The following PACS1 variants were observed in gnomAD, a reference collection of about 807,000 sequenced individuals.
The protein encoded by PACS1 is PACS-1.
A neutral mutation model predicts 115.0 loss-of-function variants in PACS1; 24 were observed. The observed-to-expected ratio is 0.21, with a 90% CI of 0.15 to 0.29. PACS1 has a LOEUF of 0.29. Among genes scored for constraint, PACS1 ranks in the 10% least tolerant of loss-of-function variants. PACS1 has a pLI of 1.00. For missense variants in PACS1, 838 were observed against 1,251.2 expected, an observed-to-expected ratio of 0.67 and a Z score of 4.98; for synonymous variants, 453 against 504.5, an observed-to-expected ratio of 0.90 and a Z score of 1.37.
At chr11:66,122,162 T>A (rs1194369514) in intron 1 of PACS1, among the ~76,000 whole-genome samples, 1 of 152,200 alleles carries the variant, frequency 6.6e-6, no homozygotes, top group African/African-American at 2.4e-5. Context: ...CCTTAAAAAT[T>A]ATGCTCAATC....
intron 4 of PACS1, among the ~76,000 whole-genome samples, chr11:66,212,437 T>G (rs1358169790): frequency 7.3e-6 from 1 of 137,834 alleles, no homozygotes; most frequent in Admixed American, 7.3e-5. Context: ...TGGCCTTAAC[T>G]TTTTTTTTTT....
chr11:66,228,936 G>A (rs1436421027), intron 11 of PACS1, among the ~76,000 whole-genome samples: 1 of 152,096 alleles, frequency 6.6e-6, no homozygotes, highest in Non-Finnish European at 1.5e-5. Context: ...AGGGAAGTAG[G>A]CAGGTGTGCG....
chr11:66,216,920 T>C, intron 7 of PACS1, 145 bp downstream of exon 7: 1 of 619,284 alleles, frequency 1.6e-6, no homozygotes, highest in Non-Finnish European at 2.9e-6. Context: ...CTCTATATCC[T>C]CACCACCGCC....
At chr11:66,112,293 A>G (rs906043861) in intron 1 of PACS1, among the ~76,000 whole-genome samples, 1 of 151,978 alleles carries the variant, frequency 6.6e-6, no homozygotes, top group African/African-American at 2.4e-5. Flanking sequence ...AGTTTGCTGC[A>G]TGCCTGCCAC....
intron 1 of PACS1, among the ~76,000 whole-genome samples, chr11:66,145,981 T>A (rs551337412): frequency 1.8e-4 from 27 of 152,144 alleles, no homozygotes; most frequent in Non-Finnish European, 2.6e-4. Flanking sequence ...TCAGGGCAAA[T>A]TACTAAAGAA....
At chr11:66,161,416 G>A (rs751869122) in intron 1 of PACS1, among the ~76,000 whole-genome samples, 2 of 152,138 alleles carry the variant, frequency 1.3e-5, no homozygotes, top group Non-Finnish European at 2.9e-5. Flanking sequence ...TCACACTGCT[G>A]TACTCTAGCC....
chr11:66,194,879 C>A (rs760069161), intron 2 of PACS1, among the ~76,000 whole-genome samples: 22 of 152,178 alleles, frequency 1.4e-4, no homozygotes, highest in Non-Finnish European at 2.9e-5. Flanking sequence ...GTGCCTCGGC[C>A]TCTTTCTGGG....
At chr11:66,204,310 T>C (rs995372546) in intron 2 of PACS1, among the ~76,000 whole-genome samples, 1 of 152,204 alleles carries the variant, frequency 6.6e-6, no homozygotes, top group Admixed American at 6.5e-5. Flanking sequence ...TCATTAATTG[T>C]CAGAGAAATG....
At chr11:66,079,908 C>G (rs1222948719) in intron 1 of PACS1, among the ~76,000 whole-genome samples, 1 of 152,194 alleles carries the variant, frequency 6.6e-6, no homozygotes, top group Non-Finnish European at 1.5e-5. Context: ...TTTGCACTTG[C>G]TGTTCCCTCT....
intron 1 of PACS1, among the ~76,000 whole-genome samples, chr11:66,093,213 C>T (rs1857703032): frequency 6.6e-6 from 1 of 152,142 alleles, no homozygotes; most frequent in African/African-American, 2.4e-5. Flanking sequence ...TTGTAGTTCT[C>T]CTTGAAGAGG....
intron 1 of PACS1, among the ~76,000 whole-genome samples, chr11:66,167,165 T>C (rs1451229663): frequency 6.7e-6 from 1 of 150,166 alleles, no homozygotes. Context: ...TATTTTTGTA[T>C]ATTTATTATC....
rs1485158949 is a variant in PACS1 at position 66,193,480 on chromosome 11, T to C, written c.357-6T>C. 8 of 1,603,854 alleles carry C rather than the reference T, an allele frequency of 5.0e-6. No individual in the cohort carries two copies. Among genetic ancestry groups the C allele is most frequent in the Non-Finnish European group, 6.8e-6 (8 of 1,170,754 alleles). On this transcript the variant is annotated splice_polypyrimidine_tract_variant and splice_region_variant and intron_variant, in intron 1 of 23. Transcript: ENST00000320580. Reference sequence around the variant, plus strand: ...ATGACAGCATCTTCCTTCTCTGTTTTTCTAGGCTATTCAGCTTGACCCTGA... The same window carrying C: ...ATGACAGCATCTTCCTTCTCTGTTTCTCTAGGCTATTCAGCTTGACCCTGA...
At chr11:66,200,731 T>C (rs537300491) in intron 2 of PACS1, among the ~76,000 whole-genome samples, 2 of 152,242 alleles carry the variant, frequency 1.3e-5, no homozygotes, top group African/African-American at 2.4e-5. Context: ...ACTTTCAGCA[T>C]TGGAAAGATC....
In PACS1 at chr11:66,131,283, T is replaced by C. The variant is rs898909595; in HGVS notation, c.356+60441T>C. 3.9e-5 allele frequency among the ~76,000 whole-genome samples: 6 copies of C among 152,306 alleles called. No homozygotes were observed. In the South Asian group the frequency reaches 8.3e-4, roughly 21 times the overall value. Reference sequence around the variant, plus strand: ...TCCTTAGTATTTGACTTTAAAACTTTTGTGAGTTTGGCAGGTTTCACATGT... The same window carrying C: ...TCCTTAGTATTTGACTTTAAAACTTCTGTGAGTTTGGCAGGTTTCACATGT... On this transcript the variant is annotated intron_variant, in intron 1 of 23. Coordinates refer to ENST00000320580, the MANE Select transcript of PACS1 (RefSeq NM_018026.4).
intron 1 of PACS1, among the ~76,000 whole-genome samples, chr11:66,089,341 C>T (rs1857620320): frequency 6.6e-6 from 1 of 152,152 alleles, no homozygotes; most frequent in African/African-American, 2.4e-5. Flanking sequence ...TAAATGTAAG[C>T]ATGCTTGAAT....
At chr11:66,157,849 A>G (rs900634517) in intron 1 of PACS1, among the ~76,000 whole-genome samples, 1 of 150,774 alleles carries the variant, frequency 6.6e-6, no homozygotes, top group African/African-American at 2.4e-5. Context: ...GCCTATGGGA[A>G]AAAAAAAAAA....
intron 1 of PACS1, among the ~76,000 whole-genome samples, chr11:66,178,860 A>G (rs1859937874): frequency 6.6e-6 from 1 of 152,202 alleles, no homozygotes; most frequent in South Asian, 2.1e-4. Context: ...AATAAAATAT[A>G]TAATTATTTT....
intron 4 of PACS1, among the ~76,000 whole-genome samples, chr11:66,213,131 C>T (rs558844760): frequency 5.3e-5 from 8 of 152,328 alleles, no homozygotes; most frequent in African/African-American, 9.6e-5. Flanking sequence ...GGATTACAGG[C>T]GTGAGCCACT....
At chr11:66,230,501 T>A in intron 11 of PACS1, 47 bp from the exon 12 acceptor site, 1 of 1,344,510 alleles carries the variant, frequency 7.4e-7, no homozygotes, top group Non-Finnish European at 1.1e-6. Flanking sequence ...TCCTGGGTGG[T>A]CACTGAGTGG....
Sources: allele counts gnomAD v4.1 joint callset (sites outside exome capture counted in the v4.1 genomes callset), GRCh38; gene constraint gnomAD v4.1.1; transcripts MANE v1.5; gene names NCBI Gene and HGNC (gene_info 2026-07-23, HGNC 2026-07-21).